SLC44A5: variants seen among roughly 807,000 people sequenced by gnomAD.
The protein encoded by SLC44A5 is solute carrier family 44 member 5.
SLC44A5 carries 57 observed loss-of-function variants against 101.8 expected under a neutral mutation model. That is an observed-to-expected ratio of 0.56 (90% CI 0.45 to 0.70). The LOEUF is 0.70. Ranked by LOEUF, SLC44A5 falls within the 30% of genes least tolerant of loss-of-function variation. The probability of loss-of-function intolerance (pLI) is 0.00; values close to 1 mark genes in which losing one functional copy is unlikely to be tolerated. For synonymous variants in SLC44A5, 281 were observed against 290.9 expected, an observed-to-expected ratio of 0.97 and a Z score of 0.35; for missense variants, 737 against 853.1, an observed-to-expected ratio of 0.86 and a Z score of 1.70.
rs140337653 is a variant in SLC44A5, at chr1:75,443,822, A to G, written c.14-47201T>C. 5.2e-3 allele frequency among the ~76,000 whole-genome samples: 790 copies of G among 152,120 alleles called. 6 individuals are homozygous for G. Among genetic ancestry groups the G allele is most frequent in the African/African-American group, 0.018 (745 of 41,524 alleles). On this transcript the variant is annotated intron_variant, in intron 2 of 23. Transcript: ENST00000370859. ...ACATAGATACAAAAATTCCAAATTA[A>G]TTTTTTAAGAAAATCTAACAATATA... is the stretch of plus-strand genomic sequence containing the variant.
the SLC44A5 span, among the ~76,000 whole-genome samples, chr1:75,659,518 C>G: frequency 5.8e-5 from 4 of 68,776 alleles, no homozygotes; most frequent in Non-Finnish European, 6.5e-5. Flanking sequence ...GGCAGGCAGG[C>G]AGGCAGGCAG....
intron 23 of SLC44A5, 104 bp from the exon 24 acceptor site, chr1:75,203,937 G>GTTGT (rs1490417728): frequency 1.5e-6 from 2 of 1,290,320 alleles, no homozygotes; most frequent in African/African-American, 3.1e-5. Context: ...AAATCCTTTT[G>GTTGT]TTGTTTTTTT....
the SLC44A5 span, among the ~76,000 whole-genome samples, chr1:75,703,361 G>A: frequency 1.3e-5 from 2 of 152,014 alleles, no homozygotes; most frequent in Non-Finnish European, 2.9e-5. Flanking sequence ...TCCTTTGTAC[G>A]GACACGGATG....
the SLC44A5 span, among the ~76,000 whole-genome samples, chr1:75,662,174 AAAG>A: frequency 5.9e-5 from 9 of 152,122 alleles, no homozygotes; most frequent in Non-Finnish European, 1.5e-5. Flanking sequence ...CAGTCATAAA[AAAG>A]AATGAAATCC....
At chr1:75,621,990 C>G in the SLC44A5 span, among the ~76,000 whole-genome samples, 1 of 152,080 alleles carries the variant, frequency 6.6e-6, no homozygotes, top group Non-Finnish European at 1.5e-5. Context: ...AACACTTCTT[C>G]CCTTTCTTGT....
the SLC44A5 span, among the ~76,000 whole-genome samples, chr1:75,628,254 T>G: frequency 2.0e-5 from 3 of 152,170 alleles, no homozygotes; most frequent in African/African-American, 7.2e-5. Flanking sequence ...TTTGTTTCAC[T>G]GCTTTCATAG....
the SLC44A5 span, among the ~76,000 whole-genome samples, chr1:75,623,032 A>G: frequency 6.6e-6 from 1 of 152,092 alleles, no homozygotes; most frequent in African/African-American, 2.4e-5. Context: ...TAACTATCAA[A>G]CATTTATTCA....
chr1:75,649,361 T>C, the SLC44A5 span, among the ~76,000 whole-genome samples: 1 of 152,150 alleles, frequency 6.6e-6, no homozygotes, highest in East Asian at 1.9e-4. Context: ...ATTTATTACT[T>C]AAAATAAATA....
intron 2 of SLC44A5, among the ~76,000 whole-genome samples, chr1:75,420,405 G>A (rs1663931243): frequency 6.6e-6 from 1 of 152,080 alleles, no homozygotes; most frequent in Non-Finnish European, 1.5e-5. Flanking sequence ...ACAAAGGAAC[G>A]CAGAACAGAT....
intron 1 of SLC44A5, among the ~76,000 whole-genome samples, chr1:75,602,962 A>T (rs543520856): frequency 6.6e-6 from 1 of 152,014 alleles, no homozygotes; most frequent in African/African-American, 2.4e-5. Flanking sequence ...ATTTATGTAT[A>T]TTTAATTTGG....
intron 1 of SLC44A5, among the ~76,000 whole-genome samples, chr1:75,588,405 C>T (rs1399257932): frequency 6.6e-6 from 1 of 152,004 alleles, no homozygotes; most frequent in Non-Finnish European, 1.5e-5. Context: ...TCACCATAGT[C>T]TGTAAGGTAG....
intron 2 of SLC44A5, among the ~76,000 whole-genome samples, chr1:75,539,390 C>G (rs1671228888): frequency 6.6e-6 from 1 of 151,110 alleles, no homozygotes; most frequent in Admixed American, 6.6e-5. Context: ...GCTTCACAGG[C>G]AACTTTATTT....
At position 75,203,110 on chromosome 1, in the gene SLC44A5, A is replaced by AT. The variant is rs1470901647; in HGVS notation, c.*616dup. ...GCAGGTTTTAATTTTTTAAAAAACA[A>AT]TGTTTGTAAACTTGCCCATAAAAGC... On this transcript the variant is annotated 3_prime_UTR_variant, in exon 24 of 24. Coordinates refer to ENST00000370859, the MANE Select transcript of SLC44A5 (RefSeq NM_001130058.2). 1.3e-5 allele frequency: 2 copies of AT among 152,202 alleles called. No homozygotes were observed. The allele number at this position is 152,202 out of a possible 1,614,324, so 9.4% of individuals were successfully genotyped here. A position where few individuals can be genotyped will look rare whatever the true frequency, so the allele number is the denominator to read the frequency against.
At chr1:75,224,100 G>A (rs1029612087) in intron 13 of SLC44A5, among the ~76,000 whole-genome samples, 5 of 152,128 alleles carry the variant, frequency 3.3e-5, no homozygotes. Flanking sequence ...GGTTAACAAT[G>A]GACTTCATAT....
intron 3 of SLC44A5, among the ~76,000 whole-genome samples, chr1:75,372,407 A>T (rs1003575782): frequency 6.6e-6 from 1 of 152,174 alleles, no homozygotes; most frequent in Admixed American, 6.5e-5. Context: ...TTACAGGAGA[A>T]TATTTTAATC....
At chr1:75,500,763 C>A (rs1056466843) in intron 2 of SLC44A5, among the ~76,000 whole-genome samples, 3 of 152,062 alleles carry the variant, frequency 2.0e-5, no homozygotes, top group Admixed American at 6.6e-5. Context: ...GGTGAAAGAA[C>A]CTTGAAAACT....
the SLC44A5 span, among the ~76,000 whole-genome samples, chr1:75,667,025 A>G: frequency 2.6e-5 from 4 of 152,228 alleles, no homozygotes; most frequent in Non-Finnish European, 5.9e-5. Flanking sequence ...GAAAACCGGC[A>G]CAAGACAAGG....
the SLC44A5 span, among the ~76,000 whole-genome samples, chr1:75,676,920 A>G: frequency 6.6e-6 from 1 of 152,164 alleles, no homozygotes; most frequent in Non-Finnish European, 1.5e-5. Context: ...CTGGCAGCAG[A>G]CTTTTCAGTG....
chr1:75,232,059 T>C lies in SLC44A5; in HGVS notation c.853+1927A>G, dbSNP rs554579028. Among the ~76,000 whole-genome samples the C allele has an allele frequency of 4.6e-5, 7 of 152,300 alleles. No homozygotes were observed. In the East Asian group the frequency reaches 1.2e-3, roughly 25 times the overall value. On this transcript the variant is annotated intron_variant, in intron 12 of 23. Transcript: ENST00000370859. Reference sequence around the variant, plus strand: ...AGGATAGTAGCAGAGGTCAGTTACATGTAGTCTTATTTTCTGACACTCCTC... The same window carrying C: ...AGGATAGTAGCAGAGGTCAGTTACACGTAGTCTTATTTTCTGACACTCCTC...
Sources: gnomAD v4.1 joint callset for allele counts (sites outside exome capture counted in the v4.1 genomes callset) on GRCh38, gnomAD v4.1.1 for gene constraint, MANE v1.5 for transcripts, NCBI Gene and HGNC (gene_info 2026-07-23, HGNC 2026-07-21) for gene names.